The following CNTN5 variants were observed in gnomAD, a reference collection of about 807,000 sequenced individuals.
The protein encoded by CNTN5 is contactin-5.
CNTN5 carries 77 observed loss-of-function variants against 129.1 expected under a neutral mutation model. The observed-to-expected ratio is 0.60, with a 90% CI of 0.50 to 0.72. CNTN5 has a LOEUF of 0.72. Among genes scored for constraint, CNTN5 ranks in the 30% least tolerant of loss-of-function variants. The pLI, the probability that CNTN5 is intolerant of heterozygous loss-of-function variation, is 0.00. For missense variants in CNTN5, 1,478 were observed against 1,328.8 expected (o/e 1.11, Z -1.75); for synonymous variants, 509 against 465.6 (o/e 1.09, Z -1.20).
intron 2 of CNTN5, among the ~76,000 whole-genome samples, chr11:99,520,029 C>G (rs1030027343): frequency 1.7e-4 from 26 of 152,082 alleles, no homozygotes; most frequent in Non-Finnish European, 3.5e-4. Flanking sequence ...TGCTAGTTCA[C>G]TGAACCAGAA....
intron 1 of CNTN5, among the ~76,000 whole-genome samples, chr11:99,170,581 T>G (rs1399909821): frequency 6.6e-6 from 1 of 152,190 alleles, no homozygotes; most frequent in Non-Finnish European, 1.5e-5. Flanking sequence ...ATGAATATCT[T>G]AATTGAGATA....
intron 2 of CNTN5, among the ~76,000 whole-genome samples, chr11:99,342,490 T>G (rs1363234023): frequency 1.4e-5 from 2 of 144,156 alleles, no homozygotes; most frequent in South Asian, 2.2e-4. Flanking sequence ...ATCCCAACAC[T>G]TTGGGAGGCC....
At chr11:99,537,795 C>A (rs986258535) in intron 2 of CNTN5, among the ~76,000 whole-genome samples, 1 of 152,102 alleles carries the variant, frequency 6.6e-6, no homozygotes, top group East Asian at 1.9e-4. Flanking sequence ...CCCGTGGACA[C>A]GATGCTGCAG....
At chr11:99,785,113 C>T (rs1945471041) in intron 3 of CNTN5, among the ~76,000 whole-genome samples, 2 of 151,970 alleles carry the variant, frequency 1.3e-5, no homozygotes, top group East Asian at 3.9e-4. Flanking sequence ...GCCACCGCAC[C>T]CTGCCCTTAT....
chr11:100,012,859 A>G (rs1305200647), intron 9 of CNTN5, among the ~76,000 whole-genome samples: 1 of 152,202 alleles, frequency 6.6e-6, no homozygotes, highest in Non-Finnish European at 1.5e-5. Flanking sequence ...TAAGATTTTT[A>G]CTTGGATTAG....
intron 13 of CNTN5, among the ~76,000 whole-genome samples, chr11:100,186,245 G>T (rs11223139): frequency 0.057 from 8,667 of 152,082 alleles, 301 homozygotes; most frequent in Non-Finnish European, 0.084. Flanking sequence ...GGTGGTGCAT[G>T]CCTGTAGTCC....
intron 8 of CNTN5, among the ~76,000 whole-genome samples, chr11:99,989,520 C>A (rs945005313): frequency 2.0e-5 from 3 of 151,670 alleles, no homozygotes; most frequent in African/African-American, 7.3e-5. Context: ...TAGACACATA[C>A]ACACACACTT....
chr11:100,340,861 C>T (rs1183259178), intron 22 of CNTN5, among the ~76,000 whole-genome samples: 8 of 152,062 alleles, frequency 5.3e-5, no homozygotes, highest in Admixed American at 6.6e-5. Context: ...CAAGGCTAAG[C>T]GATTTTGACA....
At chr11:99,758,249 T>C (rs546422711) in intron 3 of CNTN5, among the ~76,000 whole-genome samples, 4 of 152,154 alleles carry the variant, frequency 2.6e-5, no homozygotes, top group African/African-American at 7.2e-5. Context: ...CTTGTAAGTT[T>C]CTTTTTTTAT....
intron 3 of CNTN5, among the ~76,000 whole-genome samples, chr11:99,744,543 T>TAAAAAAAAAAAAAAAA (rs553540845): frequency 1.3e-4 from 5 of 37,496 alleles, no homozygotes; most frequent in Non-Finnish European, 2.2e-4. Flanking sequence ...TACAAAAAGT[T>TAAAAAAAAAAAAAAAA]AAAAAAAAAA....
intron 1 of CNTN5, among the ~76,000 whole-genome samples, chr11:99,164,322 C>CAA (rs35669418): frequency 1.8e-3 from 85 of 48,512 alleles, no homozygotes; most frequent in Middle Eastern, 0.013. Context: ...CACTCCATCT[C>CAA]AAAAAAAAAA....
intron 1 of CNTN5, among the ~76,000 whole-genome samples, chr11:99,255,042 G>A (rs1591428692): frequency 6.6e-6 from 1 of 151,708 alleles, no homozygotes; most frequent in Non-Finnish European, 1.5e-5. Flanking sequence ...TATCCAACAA[G>A]AACAAAATAG....
chr11:100,185,586 CGTAAT>C (rs1948276249), intron 13 of CNTN5, among the ~76,000 whole-genome samples: 1 of 152,134 alleles, frequency 6.6e-6, no homozygotes, highest in Admixed American at 6.6e-5. Context: ...AGGAAGGACA[CGTAAT>C]GGACTGAACT....
chr11:99,535,214 T>C (rs17133729), intron 2 of CNTN5, among the ~76,000 whole-genome samples: 3,037 of 152,266 alleles, frequency 0.02, 150 homozygotes, highest in East Asian at 0.12. Flanking sequence ...AGACAAGATA[T>C]TAGGAACTTT....
At chr11:99,979,177 T>G (rs764537692) in intron 8 of CNTN5, among the ~76,000 whole-genome samples, 2 of 152,168 alleles carry the variant, frequency 1.3e-5, no homozygotes, top group Non-Finnish European at 2.9e-5. Context: ...GGCATGCCCT[T>G]TGACTCTCGA....
chr11:100,004,140 G>A (rs552124814), intron 9 of CNTN5, among the ~76,000 whole-genome samples: 1 of 152,130 alleles, frequency 6.6e-6, no homozygotes, highest in East Asian at 1.9e-4. Context: ...GCAAGCACAT[G>A]GTGCTCTTGT....
chr11:100,013,873 C>T (rs530059116), intron 9 of CNTN5, among the ~76,000 whole-genome samples: 1 of 152,230 alleles, frequency 6.6e-6, no homozygotes. Context: ...TGACAATACT[C>T]AATTTTTAAA....
chr11:100,296,267 A>G (rs1951097856), intron 18 of CNTN5, among the ~76,000 whole-genome samples: 1 of 151,586 alleles, frequency 6.6e-6, no homozygotes. Flanking sequence ...TATGACTACT[A>G]ATACGTAACT....
chr11:99,559,239 G>A (rs1948764528), intron 3 of CNTN5, among the ~76,000 whole-genome samples: 1 of 152,102 alleles, frequency 6.6e-6, no homozygotes, highest in Non-Finnish European at 1.5e-5. Context: ...TGGATCACGA[G>A]CACATTTTAC....
Sources: allele counts gnomAD v4.1 joint callset (sites outside exome capture counted in the v4.1 genomes callset), GRCh38; gene constraint gnomAD v4.1.1; transcripts MANE v1.5; gene names NCBI Gene and HGNC (gene_info 2026-07-23, HGNC 2026-07-21).